CCDC7: variants seen among roughly 807,000 people sequenced by gnomAD.
CCDC7 encodes the protein coiled-coil domain-containing protein 7.
CCDC7 carries 183 observed loss-of-function variants against 196.9 expected under a neutral mutation model. The ratio of observed to expected loss-of-function variants is 0.93; its 90% CI spans 0.82 to 1.05. The LOEUF is 1.05. Among genes scored for constraint, CCDC7 ranks in the 50% least tolerant of loss-of-function variants. The pLI is 0.00. For missense variants in CCDC7, 1,540 were observed against 1,482.2 expected, an observed-to-expected ratio of 1.04 and a Z score of -0.64; for synonymous variants, 525 against 484.6, an observed-to-expected ratio of 1.08 and a Z score of -1.10.
chr10:32,717,718 A>G (rs1345336886), intron 25 of CCDC7, among the ~76,000 whole-genome samples: 2 of 152,162 alleles, frequency 1.3e-5, no homozygotes, highest in Non-Finnish European at 2.9e-5. Context: ...CCACAGAAAT[A>G]CAAACTACCA....
intron 18 of CCDC7, among the ~76,000 whole-genome samples, chr10:32,589,797 C>G (rs1255296200): frequency 6.6e-6 from 1 of 152,058 alleles, no homozygotes; most frequent in Non-Finnish European, 1.5e-5. Context: ...TTTATCATTA[C>G]ATAATGCTCC....
intron 15 of CCDC7, among the ~76,000 whole-genome samples, chr10:32,568,533 TA>T (rs1376449806): frequency 6.6e-6 from 1 of 152,136 alleles, no homozygotes; most frequent in Non-Finnish European, 1.5e-5. Context: ...CCGAGGGCAA[TA>T]AAAATTATTA....
chr10:32,748,037 A>G (rs1035643197), intron 28 of CCDC7, among the ~76,000 whole-genome samples: 4 of 152,238 alleles, frequency 2.6e-5, no homozygotes, highest in African/African-American at 9.6e-5. Flanking sequence ...CAGCCATAAA[A>G]AGAATGAACT....
intron 18 of CCDC7, among the ~76,000 whole-genome samples, chr10:32,631,271 A>T (rs1351891026): frequency 6.6e-6 from 1 of 152,154 alleles, no homozygotes; most frequent in Non-Finnish European, 1.5e-5. Context: ...TTTTTTTATA[A>T]AGGGTTTTAT....
intron 18 of CCDC7, among the ~76,000 whole-genome samples, chr10:32,614,221 A>G (rs969739041): frequency 6.9e-6 from 1 of 145,908 alleles, no homozygotes; most frequent in Non-Finnish European, 1.5e-5. Context: ...AGAGACTAGG[A>G]TTGCAACCCC....
At chr10:32,636,292 A>G (rs1325168566) in intron 20 of CCDC7, among the ~76,000 whole-genome samples, 2 of 152,040 alleles carry the variant, frequency 1.3e-5, no homozygotes, top group Non-Finnish European at 2.9e-5. Context: ...GGTTTGTTAC[A>G]TATGTATACA....
chr10:32,476,370 GTCAAAGTTTC>G, intron 8 of CCDC7, among the ~76,000 whole-genome samples: 1 of 5,366 alleles, frequency 1.9e-4, no homozygotes, highest in Admixed American at 3.8e-3. Flanking sequence ...TCAATAGTTT[GTCAAAGTTTC>G]AATAGTTTGA....
chr10:32,776,112 C>T (rs2079994867), intron 28 of CCDC7, among the ~76,000 whole-genome samples: 1 of 147,664 alleles, frequency 6.8e-6, no homozygotes, highest in South Asian at 2.2e-4. Context: ...AGGGGAATAT[C>T]ACACTCTGGG....
At chr10:32,598,110 C>T (rs1336648894) in intron 18 of CCDC7, among the ~76,000 whole-genome samples, 4 of 152,136 alleles carry the variant, frequency 2.6e-5, no homozygotes, top group Non-Finnish European at 4.4e-5. Context: ...GAGGTGGAGT[C>T]TACAGAGGCA....
At chr10:32,840,879 A>G (rs1009250036) in intron 33 of CCDC7, among the ~76,000 whole-genome samples, 1 of 152,070 alleles carries the variant, frequency 6.6e-6, no homozygotes, top group Non-Finnish European at 1.5e-5. Context: ...GATACACCAC[A>G]TAAACAGAAT....
intron 18 of CCDC7, among the ~76,000 whole-genome samples, chr10:32,585,671 T>A (rs768655331): frequency 1.3e-5 from 2 of 152,148 alleles, no homozygotes; most frequent in African/African-American, 4.8e-5. Context: ...TGATGGTTTC[T>A]GGCTTCATCC....
chr10:32,478,838 CTCTGTGTT>C (rs2039472753), intron 8 of CCDC7, among the ~76,000 whole-genome samples: 1 of 152,152 alleles, frequency 6.6e-6, no homozygotes, highest in South Asian at 2.1e-4. Context: ...AGGAAATGTT[CTCTGTGTT>C]TCTGTCTTCT....
intron 28 of CCDC7, among the ~76,000 whole-genome samples, chr10:32,771,853 A>G (rs11597072): frequency 0.14 from 21,952 of 152,024 alleles, 1,951 homozygotes; most frequent in African/African-American, 0.25. Flanking sequence ...TCATGCAGCT[A>G]TTTTCTTCTT....
At chr10:32,494,811 T>G (rs2042665887) in intron 9 of CCDC7, among the ~76,000 whole-genome samples, 1 of 152,206 alleles carries the variant, frequency 6.6e-6, no homozygotes, top group African/African-American at 2.4e-5. Context: ...GGCACTTGGG[T>G]TGGTTCCAAG....
chr10:32,860,430 A>G (rs1370765713), intron 41 of CCDC7, among the ~76,000 whole-genome samples: 1 of 152,190 alleles, frequency 6.6e-6, no homozygotes, highest in Admixed American at 6.5e-5. Flanking sequence ...AATAAGAGCT[A>G]TTTATGACAA....
At chr10:32,845,799 A>G in intron 35 of CCDC7, 77 bp from the exon 37 acceptor site, 2 of 1,257,638 alleles carry the variant, frequency 1.6e-6, no homozygotes, top group South Asian at 2.5e-5. Context: ...ACACACATAC[A>G]CACACACACA....
chr10:32,556,827 C>G (rs2054431944), intron 13 of CCDC7, among the ~76,000 whole-genome samples: 1 of 152,178 alleles, frequency 6.6e-6, no homozygotes, highest in Non-Finnish European at 1.5e-5. Context: ...TGTTTTCTTT[C>G]TAATTATTTT....
At chr10:32,500,175 C>T (rs998811947) in intron 9 of CCDC7, among the ~76,000 whole-genome samples, 7 of 147,900 alleles carry the variant, frequency 4.7e-5, no homozygotes, top group Non-Finnish European at 7.5e-5. Context: ...CCAGACGGGG[C>T]GGCTGGGCAG....
intron 19 of CCDC7, among the ~76,000 whole-genome samples, chr10:32,634,839 A>G (rs1459704011): frequency 1.3e-5 from 2 of 152,228 alleles, no homozygotes; most frequent in African/African-American, 4.8e-5. Flanking sequence ...AAGCTTTAAT[A>G]CCTTTTGATT....
Sources: gnomAD v4.1 joint callset for allele counts (sites outside exome capture counted in the v4.1 genomes callset) on GRCh38, gnomAD v4.1.1 for gene constraint, MANE v1.5 for transcripts, NCBI Gene and HGNC (gene_info 2026-07-23, HGNC 2026-07-21) for gene names.